The following ADAMTS12 variants were observed in gnomAD, a reference collection of about 807,000 sequenced individuals.
The protein encoded by ADAMTS12 is A disintegrin and metalloproteinase with thrombospondin motifs 12.
A neutral mutation model predicts 167.8 loss-of-function variants in ADAMTS12; 118 were observed. The ratio of observed to expected loss-of-function variants is 0.70; its 90% CI spans 0.61 to 0.82. The LOEUF (loss-of-function observed/expected upper bound fraction) is 0.82, where lower values mean the gene tolerates loss of function less well. Ranked by LOEUF, ADAMTS12 falls within the 40% of genes least tolerant of loss-of-function variation. The probability of loss-of-function intolerance (pLI) is 0.00; values close to 1 mark genes in which losing one functional copy is unlikely to be tolerated. For missense variants in ADAMTS12, 1,916 were observed against 1,998.8 expected, an observed-to-expected ratio of 0.96 and a Z score of 0.79; for synonymous variants, 704 against 716.9, an observed-to-expected ratio of 0.98 and a Z score of 0.29.
intron 2 of ADAMTS12, among the ~76,000 whole-genome samples, chr5:33,773,791 G>A (rs1745824848): frequency 6.6e-6 from 1 of 152,000 alleles, no homozygotes. Context: ...GACTTTTTTT[G>A]CATACATACA....
At chr5:33,568,439 G>C (rs11742409) in intron 19 of ADAMTS12, among the ~76,000 whole-genome samples, 3 of 151,966 alleles carry the variant, frequency 2.0e-5, no homozygotes, top group African/African-American at 7.2e-5. Context: ...TTATATAAAA[G>C]AATTTTATAT....
intron 3 of ADAMTS12, among the ~76,000 whole-genome samples, chr5:33,697,425 TAC>T (rs1742822749): frequency 6.6e-6 from 1 of 152,158 alleles, no homozygotes; most frequent in Non-Finnish European, 1.5e-5. Context: ...GCCCAGAAAT[TAC>T]AGAGATGAGT....
At chr5:33,783,146 C>A (rs540480040) in intron 2 of ADAMTS12, among the ~76,000 whole-genome samples, 109 of 151,842 alleles carry the variant, frequency 7.2e-4, no homozygotes, top group African/African-American at 2.6e-3. Flanking sequence ...CAATAAACTT[C>A]TAAATAACTA....
chr5:33,641,875 C>A lies in ADAMTS12; in HGVS notation c.1653G>T (p.Trp551Cys), dbSNP rs1220347732. The change falls in exon 11 of 24, where the codon TGG (tryptophan) becomes TGT (cysteine). Residue 551 changes from tryptophan (W) to cysteine (C), a missense_variant. Coordinates refer to ENST00000504830, the MANE Select transcript of ADAMTS12 (RefSeq NM_030955.4). Reference protein sequence around the residue: ...IPGGWGRWSPWSHCSRTCGAG... With the variant: ...IPGGWGRWSPCSHCSRTCGAG... ...CCCCACAGGTCCTGGAACAGTGGGA[C>A]CAGGGTGACCAGCGGCCCCAGCCTC... The A allele has an allele frequency of 6.2e-7, 1 of 1,613,772 alleles. No individual in the cohort carries two copies. The highest frequency in any genetic ancestry group is 2.2e-5 in the East Asian group (1 of 44,856).
chr5:33,614,549 C>G lies in ADAMTS12; in HGVS notation c.2389-173G>C, dbSNP rs1437508661. Reference sequence around the variant, plus strand: ...TCTGTGCCTATGTCTATACCTATGTCTGTGTCTAAGTTCATATCTATATAT... The same window carrying G: ...TCTGTGCCTATGTCTATACCTATGTGTGTGTCTAAGTTCATATCTATATAT... On this transcript the variant is annotated intron_variant, in intron 15 of 23. Transcript: ENST00000504830. Among the ~76,000 whole-genome samples, 3 of 151,994 alleles carry G rather than the reference C, an allele frequency of 2.0e-5. No homozygotes were observed. In the East Asian group the frequency reaches 5.8e-4, roughly 29 times the overall value.
At chr5:33,807,188 T>C (rs903119199) in intron 2 of ADAMTS12, among the ~76,000 whole-genome samples, 1 of 152,216 alleles carries the variant, frequency 6.6e-6, no homozygotes, top group Non-Finnish European at 1.5e-5. Context: ...TTTGGACTTT[T>C]GTACTTGCTG....
At chr5:33,870,096 TAA>T (rs1256301694) in intron 2 of ADAMTS12, among the ~76,000 whole-genome samples, 3 of 152,238 alleles carry the variant, frequency 2.0e-5, no homozygotes, top group African/African-American at 7.2e-5. Context: ...CACTCAGACC[TAA>T]TGGTTATCTC....
chr5:33,643,291 G>T, intron 10 of ADAMTS12, 87 bp downstream of exon 10: 1 of 1,342,624 alleles, frequency 7.4e-7, no homozygotes, highest in African/African-American at 1.4e-5. Flanking sequence ...CCCTTAGAGA[G>T]AGTTGCCCTC....
chr5:33,763,256 C>T (rs1383103587), intron 2 of ADAMTS12, among the ~76,000 whole-genome samples: 1 of 152,112 alleles, frequency 6.6e-6, no homozygotes, highest in East Asian at 1.9e-4. Context: ...AACTGTCCTG[C>T]ACCATCAGAG....
At chr5:33,536,527 G>C (rs1205083051) in intron 22 of ADAMTS12, among the ~76,000 whole-genome samples, 1 of 152,152 alleles carries the variant, frequency 6.6e-6, no homozygotes, top group Non-Finnish European at 1.5e-5. Flanking sequence ...TGCCTATTTA[G>C]TGGAGTTTTG....
chr5:33,867,308 A>G (rs1438026462), intron 2 of ADAMTS12, among the ~76,000 whole-genome samples: 1 of 152,242 alleles, frequency 6.6e-6, no homozygotes, highest in African/African-American at 2.4e-5. Flanking sequence ...TGTCTTTTGC[A>G]GAAACTTGGA....
rs1370576089 is a variant in ADAMTS12, at chr5:33,883,339, TTTG to T, written c.128-1862_128-1860del. Among the ~76,000 whole-genome samples, 47 of 125,842 alleles carry T rather than the reference TTTG, an allele frequency of 3.7e-4. 1 individual carries two copies. The highest frequency in any genetic ancestry group is 1.4e-3 in the African/African-American group (45 of 32,166). 82.6% of individuals were successfully genotyped at this position (125,842 alleles called of 152,430 possible). ...TGGTTTTTTTTTTGTTTTTTTTTTTTTTGTTTTTTTTTTTTCCAGGCAACTACC... is the reference window on the plus strand; with the variant it reads ...TGGTTTTTTTTTTGTTTTTTTTTTTTTTTTTTTTTTTTCCAGGCAACTACC... On this transcript the variant is annotated intron_variant, in intron 1 of 23. Coordinates refer to ENST00000504830, the MANE Select transcript of ADAMTS12 (RefSeq NM_030955.4).
chr5:33,694,568 A>T (rs1742682985), intron 3 of ADAMTS12, among the ~76,000 whole-genome samples: 1 of 152,222 alleles, frequency 6.6e-6, no homozygotes, highest in Non-Finnish European at 1.5e-5. Context: ...CTACTAAGGA[A>T]CTACTGACAC....
intron 5 of ADAMTS12, among the ~76,000 whole-genome samples, chr5:33,670,149 C>A: frequency 2.2e-5 from 1 of 45,214 alleles, no homozygotes; most frequent in South Asian, 1.6e-3. Context: ...GCTCTCAACA[C>A]TCAACAATAA....
At chr5:33,669,356 G>T (rs935068684) in intron 5 of ADAMTS12, among the ~76,000 whole-genome samples, 5 of 152,134 alleles carry the variant, frequency 3.3e-5, no homozygotes, top group Non-Finnish European at 5.9e-5. Context: ...CCATGAGGAT[G>T]TTGCCCATGG....
At chr5:33,781,165 C>A (rs1746110764) in intron 2 of ADAMTS12, among the ~76,000 whole-genome samples, 1 of 151,946 alleles carries the variant, frequency 6.6e-6, no homozygotes, top group Non-Finnish European at 1.5e-5. Context: ...CCAATTCATA[C>A]ATACATAGAT....
At chr5:33,885,678 C>T (rs1750610423) in intron 1 of ADAMTS12, among the ~76,000 whole-genome samples, 1 of 152,208 alleles carries the variant, frequency 6.6e-6, no homozygotes, top group African/African-American at 2.4e-5. Context: ...CGATGCCCTG[C>T]TCACTGTGCC....
intron 2 of ADAMTS12, among the ~76,000 whole-genome samples, chr5:33,809,584 A>G (rs1466128533): frequency 6.6e-6 from 1 of 152,164 alleles, no homozygotes; most frequent in Non-Finnish European, 1.5e-5. Context: ...TGAGCCTCTC[A>G]TCACTTCTGA....
At chr5:33,748,093 C>T (rs998985351) in intron 3 of ADAMTS12, among the ~76,000 whole-genome samples, 2 of 152,146 alleles carry the variant, frequency 1.3e-5, no homozygotes, top group Non-Finnish European at 2.9e-5. Context: ...CCTTTTCTGC[C>T]ATAGATGACC....
Sources: gnomAD v4.1 joint callset for allele counts (sites outside exome capture counted in the v4.1 genomes callset) on GRCh38, gnomAD v4.1.1 for gene constraint, MANE v1.5 for transcripts, NCBI Gene and HGNC (gene_info 2026-07-23, HGNC 2026-07-21) for gene names.